MAPK6: variants seen among roughly 807,000 people sequenced by gnomAD.
The protein encoded by MAPK6 is mitogen-activated protein kinase 6.
Under a neutral mutation model 59.3 loss-of-function variants are expected in MAPK6, and 19 were observed. The ratio of observed to expected loss-of-function variants is 0.32; its 90% confidence interval spans 0.22 to 0.47. The LOEUF is 0.47. Among genes scored for constraint, MAPK6 ranks in the 20% least tolerant of loss-of-function variants. MAPK6 has a pLI of 1.00. For missense variants in MAPK6, 724 were observed against 847.9 expected (o/e 0.85, Z 1.81); for synonymous variants, 316 against 290.3 (o/e 1.09, Z -0.90).
chr15:51,972,120 T>C (rs959339268), intron 1 of MAPK6, among the ~76,000 whole-genome samples: 1 of 151,806 alleles, frequency 6.6e-6, no homozygotes, highest in African/African-American at 2.4e-5. Context: ...TCTCCAGTTA[T>C]TTCATCCCAA....
rs932494253 is a variant in MAPK6 at position 52,019,267 on chromosome 15, C to A, written c.-741C>A. The stretch of plus-strand genomic sequence containing the variant: ...CGGGGTTACATGGCGGCGACTGCGG[C>A]AAAGCGAGAGCCTCGGAGACGCCGC... On this transcript the variant is annotated 5_prime_UTR_variant, in exon 1 of 6. Transcript: ENST00000261845. 1 of 152,114 alleles carries A rather than the reference C, an allele frequency of 6.6e-6. No individual in the cohort carries two copies. The highest frequency in any genetic ancestry group is 2.4e-5 in the African/African-American group (1 of 41,428). The allele number at this position is 152,114 out of a possible 1,614,324, so 9.4% of individuals were successfully genotyped here. A position where few individuals can be genotyped will look rare whatever the true frequency, so the allele number is the denominator to read the frequency against.
intron 1 of MAPK6, among the ~76,000 whole-genome samples, chr15:51,972,679 G>A (rs1283712187): frequency 1.3e-5 from 2 of 149,422 alleles, no homozygotes; most frequent in Non-Finnish European, 3.0e-5. Context: ...AAAATTAGCC[G>A]GGCGTGGTTG....
chr15:51,984,447 A>ATTTTTTTTTTTTTTTTTTTTTT (rs71130112), intron 2 of MAPK6, among the ~76,000 whole-genome samples: 7 of 69,976 alleles, frequency 1.0e-4, no homozygotes, highest in East Asian at 6.5e-4. Flanking sequence ...ACGCCGGCTA[A>ATTTTTTTTTTTTTTTTTTTTTT]TTTTTTTTTT....
At chr15:52,031,810 G>T (rs2031045096) in intron 1 of MAPK6, among the ~76,000 whole-genome samples, 1 of 152,106 alleles carries the variant, frequency 6.6e-6, no homozygotes, top group Admixed American at 6.6e-5. Flanking sequence ...TTCAGCTTGG[G>T]CAAGCGAGAT....
chr15:51,990,879 G>A (rs975299627), intron 2 of MAPK6, among the ~76,000 whole-genome samples: 3 of 152,064 alleles, frequency 2.0e-5, no homozygotes, highest in East Asian at 1.9e-4. Context: ...GCATGAACTC[G>A]GGAGGCGGAA....
At chr15:52,022,073 C>T (rs989783344) in intron 1 of MAPK6, among the ~76,000 whole-genome samples, 84 of 152,152 alleles carry the variant, frequency 5.5e-4, no homozygotes, top group African/African-American at 2.0e-3. Flanking sequence ...CCTGTAATCC[C>T]GGCACTTTGG....
intron 3 of MAPK6, among the ~76,000 whole-genome samples, chr15:52,004,754 G>T (rs1323627101): frequency 6.6e-6 from 1 of 152,146 alleles, no homozygotes; most frequent in Non-Finnish European, 1.5e-5. Flanking sequence ...TAATCAGCAT[G>T]ATTCAATTCA....
intron 2 of MAPK6, among the ~76,000 whole-genome samples, chr15:51,994,555 T>A (rs2057219389): frequency 6.8e-6 from 1 of 147,204 alleles, no homozygotes; most frequent in Non-Finnish European, 1.5e-5. Context: ...AAAAAAAAGA[T>A]TTTTTTTAAA....
At chr15:52,013,707 C>T (rs1014015615) in intron 3 of MAPK6, among the ~76,000 whole-genome samples, 1 of 152,148 alleles carries the variant, frequency 6.6e-6, no homozygotes, top group African/African-American at 2.4e-5. Flanking sequence ...GCAACAGAAA[C>T]AATTTTTACT....
chr15:51,982,045 C>CA (rs1566893237), intron 1 of MAPK6, among the ~76,000 whole-genome samples: 1 of 152,138 alleles, frequency 6.6e-6, no homozygotes. Flanking sequence ...CCCAACAGCA[C>CA]AAACACAGAG....
intron 1 of MAPK6, among the ~76,000 whole-genome samples, chr15:52,023,918 G>A (rs1050367392): frequency 4.5e-4 from 69 of 152,174 alleles, no homozygotes; most frequent in African/African-American, 1.5e-3. Context: ...AGCCAATAGA[G>A]TTCTAAAAGT....
chr15:52,043,589 G>A lies in MAPK6; in HGVS notation c.-631-2241G>A, dbSNP rs562430272. ...TGGGATTACAGGCGTGAGCCACCGC[G>A]CCTGGCCACAAAAATTTATTTTTAT... On this transcript the variant is annotated intron_variant, in intron 1 of 5. Coordinates refer to ENST00000261845, the MANE Select transcript of MAPK6 (RefSeq NM_002748.4). Among the ~76,000 whole-genome samples the A allele has an allele frequency of 8.6e-5, 13 of 151,814 alleles. No individual in the cohort carries two copies. The East Asian group carries it at 2.5e-3, about 30-fold the overall frequency.
chr15:52,010,042 A>G (rs1252601738), intron 3 of MAPK6, among the ~76,000 whole-genome samples: 4 of 152,124 alleles, frequency 2.6e-5, no homozygotes, highest in Non-Finnish European at 4.4e-5. Context: ...AAGTGCTGGG[A>G]TTACAGGCGT....
At chr15:52,050,278 TAAA>T in intron 3 of MAPK6, 141 bp downstream of exon 3, 1 of 754,136 alleles carries the variant, frequency 1.3e-6, no homozygotes. Context: ...GCGTTTTTAA[TAAA>T]AAAATTGAGA....
chr15:52,059,231 A>G (rs545598070), intron 4 of MAPK6, among the ~76,000 whole-genome samples: 1 of 152,346 alleles, frequency 6.6e-6, no homozygotes, highest in Admixed American at 6.5e-5. Flanking sequence ...CCTTGCTCGT[A>G]ACCCTGTAGC....
intron 3 of MAPK6, among the ~76,000 whole-genome samples, chr15:52,013,651 C>G (rs1217580303): frequency 1.3e-5 from 2 of 152,242 alleles, no homozygotes; most frequent in Non-Finnish European, 2.9e-5. Flanking sequence ...TGAATATATT[C>G]TGTCTCTCTC....
chr15:52,055,241 C>G (rs896398572), intron 3 of MAPK6, among the ~76,000 whole-genome samples: 1 of 152,048 alleles, frequency 6.6e-6, no homozygotes, highest in African/African-American at 2.4e-5. Flanking sequence ...GACCCTGTCT[C>G]GACAAAAAAC....
chr15:51,975,356 C>T (rs1366072856), intron 1 of MAPK6, among the ~76,000 whole-genome samples: 2 of 151,536 alleles, frequency 1.3e-5, no homozygotes, highest in African/African-American at 4.8e-5. Context: ...TCCTGGCCAA[C>T]ATGGTGAAAC....
intron 2 of MAPK6, among the ~76,000 whole-genome samples, chr15:51,984,587 G>A (rs994445887): frequency 6.0e-5 from 9 of 151,208 alleles, no homozygotes; most frequent in African/African-American, 2.2e-4. Flanking sequence ...ACAGGCATGA[G>A]CCACCGTGCC....
Sources: allele counts gnomAD v4.1 joint callset (sites outside exome capture counted in the v4.1 genomes callset), GRCh38; gene constraint gnomAD v4.1.1; transcripts MANE v1.5; gene names NCBI Gene and HGNC (gene_info 2026-07-23, HGNC 2026-07-21).